Variants in OSBPL6 observed in about 807,000 individuals in gnomAD.
OSBPL6 encodes the protein oxysterol binding protein like 6.
Under a neutral mutation model 125.8 loss-of-function variants are expected in OSBPL6, and 49 were observed. The observed-to-expected ratio is 0.39, with a 90% CI of 0.31 to 0.49. The LOEUF is 0.49. Ranked by LOEUF, OSBPL6 falls within the 20% of genes least tolerant of loss-of-function variation. The pLI, the probability that OSBPL6 is intolerant of heterozygous loss-of-function variation, is 0.88. For synonymous variants in OSBPL6, 394 were observed against 391.8 expected, an observed-to-expected ratio of 1.01 and a Z score of -0.07; for missense variants, 986 against 1,135.4, an observed-to-expected ratio of 0.87 and a Z score of 1.89.
chr2:178,196,729 C>T (rs2088918493), intron 1 of OSBPL6, among the ~76,000 whole-genome samples: 1 of 152,064 alleles, frequency 6.6e-6, no homozygotes, highest in East Asian at 1.9e-4. Flanking sequence ...AACTGTTGGA[C>T]TAGAGAGAAG....
Position 178,396,642 on chromosome 2 carries a change from T to G in OSBPL6, c.*1083T>G, listed in dbSNP as rs1451064357. 3 of 152,198 alleles carry G rather than the reference T, an allele frequency of 2.0e-5. No individual in the cohort carries two copies. Among genetic ancestry groups the G allele is most frequent in the Non-Finnish European group, 4.4e-5 (3 of 68,032 alleles). 9.4% of individuals were successfully genotyped at this position (152,198 alleles called of 1,614,324 possible). ...CCACTGAGAACAGAAGCAAGAATAATAGTAGTTTATTTGCATTGTTTAAAT... is the reference window on the plus strand; with the variant it reads ...CCACTGAGAACAGAAGCAAGAATAAGAGTAGTTTATTTGCATTGTTTAAAT... On this transcript the variant is annotated 3_prime_UTR_variant, in exon 25 of 25. Transcript: ENST00000190611.
rs759027418 is a variant in OSBPL6, at chr2:178,287,266, C to CCATTTCTCCCCCCTAGATACATCAGA, written c.-156+2147_-156+2148insTTTCTCCCCCCTAGATACATCAGACA. On this transcript the variant is annotated intron_variant, in intron 2 of 24. Transcript: ENST00000190611. ...GCCTGTTATTTAAGCAGATTTCAGGCCACAGGGTATCCATTTCTCCCCCCT... is the reference window on the plus strand; with the variant it reads ...GCCTGTTATTTAAGCAGATTTCAGGCCATTTCTCCCCCCTAGATACATCAGACACAGGGTATCCATTTCTCCCCCCT... 4.0e-3 allele frequency among the ~76,000 whole-genome samples: 613 copies of CCATTTCTCCCCCCTAGATACATCAGA among 152,036 alleles called. 3 individuals carry two copies. Among genetic ancestry groups the CCATTTCTCCCCCCTAGATACATCAGA allele is most frequent in the Non-Finnish European group, 6.4e-3 (433 of 67,990 alleles).
Position 178,395,401 on chromosome 2 carries a change from G to A in OSBPL6, c.2697-50G>A, listed in dbSNP as rs549129293. 6 of 1,368,706 alleles carry A rather than the reference G, an allele frequency of 4.4e-6. No homozygotes were observed. The South Asian group carries it at 7.1e-5, about 16-fold the overall frequency. 84.8% of individuals were successfully genotyped at this position (1,368,706 alleles called of 1,614,324 possible). ...ATCTATAGGAGAGGGTCCTATTTAA[G>A]GTTACCTTGATGTGATTCATGACTA... On this transcript the variant is annotated intron_variant, in intron 24 of 24. Transcript: ENST00000190611.
intron 12 of OSBPL6, among the ~76,000 whole-genome samples, chr2:178,356,662 C>T (rs898478561): frequency 3.3e-5 from 5 of 152,246 alleles, no homozygotes; most frequent in Admixed American, 1.3e-4. Flanking sequence ...GGCTATACTG[C>T]CCAAGGTAAT....
At chr2:178,373,829 A>G (rs1464088270) in intron 14 of OSBPL6, 61 bp from the exon 15 acceptor site, 7 of 1,586,108 alleles carry the variant, frequency 4.4e-6, no homozygotes, top group Non-Finnish European at 6.0e-6. Context: ...GGCTAATTTG[A>G]AGGAATAGCT....
chr2:178,204,930 A>T (rs1322762594), intron 1 of OSBPL6, among the ~76,000 whole-genome samples: 1 of 152,200 alleles, frequency 6.6e-6, no homozygotes, highest in Non-Finnish European at 1.5e-5. Context: ...GGGTCTTAAC[A>T]TACATTATTT....
Position 178,383,273 on chromosome 2 carries a change from G to A in OSBPL6, c.1871G>A (p.Arg624His), listed in dbSNP as rs1694651365. Residue 624 changes from arginine (R) to histidine (H), a missense_variant, in exon 17 of 25, where the codon CGC (arginine) becomes CAC (histidine). Arg to His is a conservative substitution (Grantham distance 29). Coordinates refer to ENST00000190611, the MANE Select transcript of OSBPL6 (RefSeq NM_032523.4). ...KASETDDPYE[R>H]MVLVAAFAVS... ...TCGGAAACTGATGATCCATATGAGC[G>A]CATGGTAATAAATAACTAACAGAGC... is the stretch of plus-strand genomic sequence containing the variant. 6 of 1,613,746 alleles carry A rather than the reference G, an allele frequency of 3.7e-6. No homozygotes were observed. The highest frequency in any genetic ancestry group is 1.3e-5 in the African/African-American group (1 of 75,032).
chr2:178,283,759 C>T (rs1328961808), intron 1 of OSBPL6, among the ~76,000 whole-genome samples: 1 of 152,124 alleles, frequency 6.6e-6, no homozygotes, highest in African/African-American at 2.4e-5. Context: ...CCTCAGGCTG[C>T]TTCCATTCGT....
chr2:178,373,847 C>G, intron 14 of OSBPL6, 43 bp from the exon 15 acceptor site: 2 of 1,607,314 alleles, frequency 1.2e-6, no homozygotes, highest in Non-Finnish European at 1.7e-6. Flanking sequence ...GCTATTCTAA[C>G]AGGGAGAAAA....
intron 11 of OSBPL6, among the ~76,000 whole-genome samples, chr2:178,341,333 C>CTTTTT (rs60436384): frequency 8.5e-5 from 10 of 117,378 alleles, no homozygotes; most frequent in Admixed American, 1.7e-4. Flanking sequence ...CCAAATCATT[C>CTTTTT]TTTTTTTTTT....
intron 1 of OSBPL6, among the ~76,000 whole-genome samples, chr2:178,275,749 G>A (rs1294755295): frequency 6.9e-6 from 1 of 145,924 alleles, no homozygotes; most frequent in East Asian, 2.0e-4. Context: ...AAAAAAAAAA[G>A]AGGAACCAGT....
intron 1 of OSBPL6, among the ~76,000 whole-genome samples, chr2:178,283,871 T>A (rs1684452169): frequency 6.6e-6 from 1 of 152,112 alleles, no homozygotes; most frequent in Non-Finnish European, 1.5e-5. Flanking sequence ...AGCAATCAGT[T>A]CTTGTGGGAT....
intron 1 of OSBPL6, among the ~76,000 whole-genome samples, chr2:178,241,694 G>T (rs537873454): frequency 2.0e-5 from 3 of 152,288 alleles, no homozygotes; most frequent in African/African-American, 7.2e-5. Context: ...AGGATTATAG[G>T]CGTGAGCCAC....
At chr2:178,368,259 G>A (rs532721699) in intron 13 of OSBPL6, among the ~76,000 whole-genome samples, 4 of 152,252 alleles carry the variant, frequency 2.6e-5, no homozygotes, top group Non-Finnish European at 4.4e-5. Context: ...CAGCCTGTAC[G>A]ATCAAGGCAA....
chr2:178,372,294 AT>A, intron 14 of OSBPL6, 61 bp downstream of exon 14: 1 of 1,199,370 alleles, frequency 8.3e-7, no homozygotes, highest in Non-Finnish European at 1.2e-6. Flanking sequence ...TTTACTGCAT[AT>A]TTTTGTTTAT....
Position 178,361,735 on chromosome 2 carries a change from C to G in OSBPL6, c.1207C>G (p.Leu403Val). ...TAGCATAGCTATAGAGAAGGAGAAG[C>G]TGAAGCAGATGGTTTCCGAGCAGGA... ...FNSIAIEKEK[L>V]KQMVSEQDHS... Residue 403 changes from leucine to valine, a missense_variant, in exon 13 of 25, where the codon CTG becomes GTG. Physicochemically the swap from Leu to Val is conservative, Grantham distance 32 (BLOSUM62 1). This residue lies in a region of OSBPL6 where 843 missense variants were observed against 997.3 expected (regional missense o/e 0.85). Transcript: ENST00000190611. The G allele has an allele frequency of 1.9e-6, 3 of 1,614,134 alleles. No homozygotes were observed. The highest frequency in any genetic ancestry group is 1.7e-6 in the Non-Finnish European group (2 of 1,180,020).
chr2:178,356,114 A>G (rs142412837), intron 12 of OSBPL6, among the ~76,000 whole-genome samples: 24,095 of 152,194 alleles, frequency 0.16, 2,006 homozygotes, highest in Admixed American at 0.23. Flanking sequence ...ATTTATGACA[A>G]ATTCACAGCC....
At chr2:178,323,315 T>C (rs901123581) in intron 3 of OSBPL6, among the ~76,000 whole-genome samples, 2 of 152,220 alleles carry the variant, frequency 1.3e-5, no homozygotes, top group African/African-American at 4.8e-5. Context: ...ACTTCACCCA[T>C]TTTTCTGTTG....
At chr2:178,266,505 C>T (rs147266003) in intron 1 of OSBPL6, among the ~76,000 whole-genome samples, 1,665 of 152,232 alleles carry the variant, frequency 0.011, 39 homozygotes, top group African/African-American at 0.037. Flanking sequence ...CAGAAGCCAC[C>T]GGGCTTGTGG....
Sources: gnomAD v4.1 joint callset for allele counts (sites outside exome capture counted in the v4.1 genomes callset) on GRCh38, gnomAD v4.1.1 for gene constraint, gnomAD v4.1.1 regional missense constraint, MANE v1.5 for transcripts, NCBI Gene and HGNC (gene_info 2026-07-23, HGNC 2026-07-21) for gene names.